Variants in DLC1 observed in about 807,000 individuals in gnomAD.
DLC1 encodes rho GTPase-activating protein 7.
Under a neutral mutation model 140.3 loss-of-function variants are expected in DLC1, and 54 were observed. The observed-to-expected ratio is 0.38, with a 90% CI of 0.31 to 0.48. The LOEUF is 0.48. Ranked by LOEUF, DLC1 falls within the 20% of genes least tolerant of loss-of-function variation. DLC1 has a pLI of 0.96. For missense variants in DLC1, 2,536 were observed against 1,907.0 expected, an observed-to-expected ratio of 1.33 and a Z score of -6.14; for synonymous variants, 986 against 728.1, an observed-to-expected ratio of 1.35 and a Z score of -5.70.
intron 5 of DLC1, among the ~76,000 whole-genome samples, chr8:13,153,465 A>C (rs1483220774): frequency 2.0e-5 from 3 of 152,214 alleles, no homozygotes; most frequent in African/African-American, 7.2e-5. Context: ...CAGAAACTTA[A>C]AAACACCAAA....
chr8:13,559,961 T>A (rs1356512691), intron 1 of DLC1, among the ~76,000 whole-genome samples: 3 of 152,210 alleles, frequency 2.0e-5, no homozygotes, highest in African/African-American at 7.2e-5. Flanking sequence ...GAAATTGAAC[T>A]ACAATAAAAC....
At chr8:13,450,447 T>G (rs1238140527) in intron 2 of DLC1, among the ~76,000 whole-genome samples, 1 of 85,616 alleles carries the variant, frequency 1.2e-5, no homozygotes, top group Admixed American at 1.5e-4. Context: ...AGAGTGAGAC[T>G]GTCTCAAAAA....
chr8:13,511,699 T>A (rs1377570919), intron 1 of DLC1, among the ~76,000 whole-genome samples: 1 of 152,156 alleles, frequency 6.6e-6, no homozygotes, highest in Non-Finnish European at 1.5e-5. Flanking sequence ...AGTGTTCCCT[T>A]GTCCTCTTCC....
At chr8:13,537,307 C>T (rs10096576) in intron 1 of DLC1, among the ~76,000 whole-genome samples, 1 of 152,122 alleles carries the variant, frequency 6.6e-6, no homozygotes, top group African/African-American at 2.4e-5. Flanking sequence ...CCACAATAAA[C>T]TGTGATCACG....
At chr8:13,266,253 G>T (rs1056657644) in intron 5 of DLC1, among the ~76,000 whole-genome samples, 1 of 152,192 alleles carries the variant, frequency 6.6e-6, no homozygotes, top group African/African-American at 2.4e-5. Context: ...ACATAGATGT[G>T]TGTTCCATCT....
Position 13,084,864 on chromosome 8 carries a change from C to A in DLC1, c.*947G>T, listed in dbSNP as rs1295260075. ...CGTTTCTGTTACAAACACAAAAATG[C>A]AAAGAATTCTAACAGGGAAAAAGTG... is the stretch of plus-strand genomic sequence containing the variant. On this transcript the variant is annotated 3_prime_UTR_variant, in exon 18 of 18. Coordinates refer to ENST00000276297, the MANE Select transcript of DLC1 (RefSeq NM_182643.3). 6.6e-6 allele frequency: 1 copy of A among 152,074 alleles called. No individual in the cohort carries two copies. Among genetic ancestry groups the A allele is most frequent in the Non-Finnish European group, 1.5e-5 (1 of 68,036 alleles). 9.4% of individuals were successfully genotyped at this position (152,074 alleles called of 1,614,324 possible). A position where few individuals can be genotyped will look rare whatever the true frequency, so the allele number is the denominator to read the frequency against.
chr8:13,099,532 T>A lies in DLC1; in HGVS notation c.2805A>T (p.Ser935=). ...GGCAGGGAGAGACCGAGTCCAGGGC[T>A]GAGTCCGAATCTCCCTCATCAGAAA... ...EKFSDEGDSD[S]ALDSVSPCPS... Residue 935 remains serine, a synonymous_variant, in exon 9 of 18, where the codon TCA becomes TCT. Coordinates refer to ENST00000276297, the MANE Select transcript of DLC1 (RefSeq NM_182643.3). 1 of 1,614,204 alleles carries A rather than the reference T, an allele frequency of 6.2e-7. No homozygotes were observed. Among genetic ancestry groups the A allele is most frequent in the Non-Finnish European group, 8.5e-7 (1 of 1,180,034 alleles).
At chr8:13,265,428 C>T (rs186452974) in intron 5 of DLC1, among the ~76,000 whole-genome samples, 4 of 152,160 alleles carry the variant, frequency 2.6e-5, no homozygotes, top group Admixed American at 6.5e-5. Flanking sequence ...TGGAAGGCCG[C>T]GAAGGTTCAC....
intron 4 of DLC1, among the ~76,000 whole-genome samples, chr8:13,344,233 C>A (rs867695921): frequency 1.3e-5 from 2 of 152,198 alleles, no homozygotes; most frequent in Admixed American, 1.3e-4. Context: ...GTGGTTCATA[C>A]CTGTAATCCC....
intron 1 of DLC1, chr8:13,567,702 C>A: frequency 6.4e-7 from 1 of 1,551,930 alleles, no homozygotes; most frequent in East Asian, 2.4e-5. Context: ...ATCTTCATAC[C>A]AAAGACTTTC....
At chr8:13,573,442 GC>G (rs1804734616) in intron 1 of DLC1, among the ~76,000 whole-genome samples, 2 of 152,138 alleles carry the variant, frequency 1.3e-5, no homozygotes, top group Non-Finnish European at 2.9e-5. Flanking sequence ...CAATTTGAAT[GC>G]CTTTCTATCT....
At chr8:13,137,601 T>TTG (rs3065351) in intron 5 of DLC1, among the ~76,000 whole-genome samples, 5,779 of 126,840 alleles carry the variant, frequency 0.046, 340 homozygotes, top group African/African-American at 0.13. Context: ...GTTTTTGGTT[T>TTG]TGTTTTTTTT....
chr8:13,353,928 T>C (rs1169982836), intron 4 of DLC1, among the ~76,000 whole-genome samples: 1 of 152,170 alleles, frequency 6.6e-6, no homozygotes, highest in Non-Finnish European at 1.5e-5. Flanking sequence ...GGCATAGTTC[T>C]TGATTTATTC....
intron 2 of DLC1, among the ~76,000 whole-genome samples, chr8:13,478,883 G>C (rs775106014): frequency 6.6e-6 from 1 of 152,172 alleles, no homozygotes; most frequent in Non-Finnish European, 1.5e-5. Flanking sequence ...ATAAGCAGAT[G>C]CTCCCACAAA....
chr8:13,382,036 T>C (rs1563300554), intron 4 of DLC1, among the ~76,000 whole-genome samples: 1 of 151,780 alleles, frequency 6.6e-6, no homozygotes, highest in African/African-American at 2.4e-5. Flanking sequence ...TAAAGAAAAA[T>C]AAAGAAAGTG....
intron 2 of DLC1, among the ~76,000 whole-genome samples, chr8:13,454,109 A>G (rs1285469417): frequency 3.3e-5 from 5 of 152,304 alleles, no homozygotes; most frequent in Non-Finnish European, 5.9e-5. Context: ...TAAAAAGGCC[A>G]GAATTATTTT....
At chr8:13,447,081 C>T (rs2116949369) in intron 2 of DLC1, among the ~76,000 whole-genome samples, 1 of 152,196 alleles carries the variant, frequency 6.6e-6, no homozygotes, top group African/African-American at 2.4e-5. Flanking sequence ...CTAAACTTTC[C>T]CTGTGTGTAG....
At chr8:13,402,464 A>T (rs1298257271) in intron 2 of DLC1, among the ~76,000 whole-genome samples, 2 of 152,334 alleles carry the variant, frequency 1.3e-5, no homozygotes, top group African/African-American at 2.4e-5. Context: ...CTAAAAAAAA[A>T]TACTGTAGAA....
At chr8:13,245,118 C>G (rs1829708393) in intron 5 of DLC1, among the ~76,000 whole-genome samples, 1 of 152,136 alleles carries the variant, frequency 6.6e-6, no homozygotes, top group Admixed American at 6.6e-5. Flanking sequence ...TTCTTGTTCC[C>G]TGGGACGTTT....
Sources: allele counts gnomAD v4.1 joint callset (sites outside exome capture counted in the v4.1 genomes callset), GRCh38; gene constraint gnomAD v4.1.1; transcripts MANE v1.5; gene names NCBI Gene and HGNC (gene_info 2026-07-23, HGNC 2026-07-21).